Variants in DYM observed in about 807,000 individuals in gnomAD.
DYM encodes dymeclin, also known as dyggve-Melchior-Clausen syndrome protein.
Under a neutral mutation model 93.1 loss-of-function variants are expected in DYM, and 78 were observed. The observed-to-expected ratio is 0.84, with a 90% CI of 0.70 to 1.01. The LOEUF (loss-of-function observed/expected upper bound fraction) is 1.01, where lower values mean the gene tolerates loss of function less well. Among genes scored for constraint, DYM ranks in the 50% least tolerant of loss-of-function variants. The pLI is 0.00. For synonymous variants in DYM, 321 were observed against 319.7 expected (o/e 1.00, Z -0.04); for missense variants, 789 against 845.0 (o/e 0.93, Z 0.82).
At chr18:49,149,686 A>G (rs1026990096) in intron 15 of DYM, among the ~76,000 whole-genome samples, 1 of 148,974 alleles carries the variant, frequency 6.7e-6, no homozygotes, top group Non-Finnish European at 1.5e-5. Context: ...AGAAATTTCA[A>G]GCACCATTAC....
intron 8 of DYM, among the ~76,000 whole-genome samples, chr18:49,326,041 C>T (rs904482058): frequency 6.6e-6 from 1 of 152,220 alleles, no homozygotes; most frequent in Non-Finnish European, 1.5e-5. Flanking sequence ...GCTGAAATGA[C>T]TCGGATACAT....
At chr18:49,303,176 G>A (rs1196807694) in intron 8 of DYM, among the ~76,000 whole-genome samples, 3 of 152,072 alleles carry the variant, frequency 2.0e-5, no homozygotes, top group African/African-American at 4.8e-5. Context: ...TGTTCATCTT[G>A]GTATCACATC....
intron 1 of DYM, among the ~76,000 whole-genome samples, chr18:49,455,908 C>T (rs1198517000): frequency 6.6e-6 from 1 of 151,720 alleles, no homozygotes; most frequent in African/African-American, 2.4e-5. Context: ...GAGATCCCAC[C>T]ACTGCACTCC....
chr18:49,257,375 A>G (rs934649968), intron 12 of DYM, among the ~76,000 whole-genome samples: 7 of 152,228 alleles, frequency 4.6e-5, no homozygotes, highest in African/African-American at 1.7e-4. Context: ...TATAACGTTT[A>G]ATTACAGCAT....
chr18:49,332,122 G>T, intron 7 of DYM, 116 bp from the exon 8 acceptor site: 1 of 1,087,944 alleles, frequency 9.2e-7, no homozygotes, highest in Non-Finnish European at 1.3e-6. Context: ...AAGGGCTATT[G>T]GCACAACTCA....
chr18:49,257,555 G>A (rs1714456043), intron 12 of DYM, among the ~76,000 whole-genome samples: 1 of 152,160 alleles, frequency 6.6e-6, no homozygotes, highest in East Asian at 1.9e-4. Flanking sequence ...CTGAAAATGG[G>A]CTGGGAGTAG....
intron 16 of DYM, among the ~76,000 whole-genome samples, chr18:49,100,770 C>T (rs1459658868): frequency 6.6e-6 from 1 of 152,178 alleles, no homozygotes; most frequent in African/African-American, 2.4e-5. Flanking sequence ...TGATAAAAAT[C>T]TCTGTCCTAC....
At chr18:49,079,393 C>CT (rs879799565) in intron 17 of DYM, among the ~76,000 whole-genome samples, 38 of 145,594 alleles carry the variant, frequency 2.6e-4, no homozygotes, top group Non-Finnish European at 4.2e-4. Flanking sequence ...TGTAGAGATT[C>CT]TTTTTTTTTT....
chr18:49,302,833 C>T (rs2061026599), intron 8 of DYM, among the ~76,000 whole-genome samples: 1 of 152,208 alleles, frequency 6.6e-6, no homozygotes, highest in African/African-American at 2.4e-5. Flanking sequence ...AAAACTGATG[C>T]TCTCAACCAC....
At chr18:49,050,215 T>C (rs2072232552) in intron 17 of DYM, among the ~76,000 whole-genome samples, 1 of 151,550 alleles carries the variant, frequency 6.6e-6, no homozygotes, top group African/African-American at 2.4e-5. Context: ...GCCTCCCTAG[T>C]AGCTGGGATT....
chr18:49,094,541 T>C (rs995372450), intron 17 of DYM, among the ~76,000 whole-genome samples: 1 of 152,138 alleles, frequency 6.6e-6, no homozygotes, highest in Non-Finnish European at 1.5e-5. Flanking sequence ...AGAATACCAG[T>C]AAGAAGAGAA....
intron 2 of DYM, among the ~76,000 whole-genome samples, chr18:49,409,113 G>A (rs1456408048): frequency 2.6e-5 from 4 of 151,712 alleles, no homozygotes; most frequent in South Asian, 2.1e-4. Flanking sequence ...GCGAAACCCC[G>A]TCTCTACTAA....
chr18:49,105,501 G>C (rs1166987886), intron 16 of DYM, among the ~76,000 whole-genome samples: 2 of 152,152 alleles, frequency 1.3e-5, no homozygotes, highest in African/African-American at 4.8e-5. Flanking sequence ...TGTGATGTTA[G>C]GGTGTCAATT....
rs142598549 is a variant in DYM at position 49,068,323 on chromosome 18, T to C, written c.2026-24119A>G. 4.4e-3 allele frequency among the ~76,000 whole-genome samples: 665 copies of C among 152,338 alleles called. 2 individuals carry two copies. Among genetic ancestry groups the C allele is most frequent in the African/African-American group, 0.015 (625 of 41,584 alleles). ...ATAAGGGGGTTGAAAAGAGGGTTTC[T>C]CAAGTATCTCTTCTTTCTCCATTCT... On this transcript the variant is annotated intron_variant, in intron 17 of 17. Coordinates refer to ENST00000675505, the MANE Select transcript of DYM (RefSeq NM_001353214.3).
chr18:49,240,987 G>A (rs575856580), intron 13 of DYM, among the ~76,000 whole-genome samples: 2 of 152,330 alleles, frequency 1.3e-5, no homozygotes, highest in Non-Finnish European at 2.9e-5. Flanking sequence ...GTGAGTACTA[G>A]TACAGTTAGG....
At chr18:49,389,069 T>C (rs77686111) in intron 3 of DYM, among the ~76,000 whole-genome samples, 13,858 of 152,172 alleles carry the variant, frequency 0.091, 844 homozygotes, top group East Asian at 0.31. Flanking sequence ...TCCTGACATG[T>C]TGCTGCGTGT....
chr18:49,061,092 C>T (rs778328204), intron 17 of DYM, among the ~76,000 whole-genome samples: 2 of 152,160 alleles, frequency 1.3e-5, no homozygotes, highest in South Asian at 2.1e-4. Context: ...GTAGAGGCAG[C>T]GCCTCCGAAC....
chr18:49,258,839 C>CAGAGAGAGAGAGAG (rs61360021), intron 11 of DYM, among the ~76,000 whole-genome samples: 7 of 113,718 alleles, frequency 6.2e-5, no homozygotes, highest in African/African-American at 6.7e-5. Context: ...CACACACACA[C>CAGAGAGAGAGAGAG]AGAGAGAGAG....
At chr18:49,106,011 T>G (rs1384638392) in intron 16 of DYM, among the ~76,000 whole-genome samples, 2 of 152,218 alleles carry the variant, frequency 1.3e-5, no homozygotes, top group Non-Finnish European at 2.9e-5. Context: ...AGTGGGGTGT[T>G]AGAGTCTCCC....
Sources: gnomAD v4.1 joint callset for allele counts (sites outside exome capture counted in the v4.1 genomes callset) on GRCh38, gnomAD v4.1.1 for gene constraint, MANE v1.5 for transcripts, NCBI Gene and HGNC (gene_info 2026-07-23, HGNC 2026-07-21) for gene names.